ZNF503: variants seen among roughly 807,000 people sequenced by gnomAD.
The protein encoded by ZNF503 is zinc finger protein 503, also known as NocA-like zinc finger 2.
A neutral mutation model predicts 34.4 loss-of-function variants in ZNF503; 15 were observed. That is an observed-to-expected ratio of 0.44 (90% CI 0.29 to 0.67). The LOEUF (loss-of-function observed/expected upper bound fraction) is 0.67, where lower values mean the gene tolerates loss of function less well. Among genes scored for constraint, ZNF503 ranks in the 30% least tolerant of loss-of-function variants. The pLI is 0.13. For missense variants in ZNF503, 1,007 were observed against 926.8 expected, an observed-to-expected ratio of 1.09 and a Z score of -1.12; for synonymous variants, 580 against 456.8, an observed-to-expected ratio of 1.27 and a Z score of -3.44.
chr10:75,327,629 T>G, the ZNF503 span, among the ~76,000 whole-genome samples: 1 of 152,228 alleles, frequency 6.6e-6, no homozygotes, highest in African/African-American at 2.4e-5. Flanking sequence ...GTGGAATTGC[T>G]GGATTATATG....
At chr10:75,324,518 G>T in the ZNF503 span, among the ~76,000 whole-genome samples, 1 of 151,826 alleles carries the variant, frequency 6.6e-6, no homozygotes, top group Non-Finnish European at 1.5e-5. Context: ...TTAGAGACAG[G>T]GTTTGGCTTT....
At chr10:75,375,412 G>A in the ZNF503 span, among the ~76,000 whole-genome samples, 3 of 152,286 alleles carry the variant, frequency 2.0e-5, no homozygotes, top group African/African-American at 4.8e-5. Flanking sequence ...ATGAGCTACC[G>A]TACCCAGCCC....
chr10:75,281,427 C>A, the ZNF503 span, among the ~76,000 whole-genome samples: 1 of 152,086 alleles, frequency 6.6e-6, no homozygotes, highest in African/African-American at 2.4e-5. Flanking sequence ...GTCGAGTGTG[C>A]CGCCTGGTTC....
Position 75,399,038 on chromosome 10 carries a change from A to T in ZNF503, c.1652T>A (p.Leu551Gln), listed in dbSNP as rs774109749. Residue 551 changes from leucine to glutamine, a missense_variant, in exon 2 of 2, where the codon CTG becomes CAG. Leu to Gln is a moderately radical substitution (Grantham distance 113). Coordinates refer to ENST00000372524, the MANE Select transcript of ZNF503 (RefSeq NM_032772.6). ...THTAFPGTDK[L>Q]LSGYPSSSSL... Reference sequence around the variant, plus strand: ...CGACGAGCTGGGGTAGCCCGACAGCAGTTTGTCTGTCCCGGGAAATGCCGT... The same window carrying T: ...CGACGAGCTGGGGTAGCCCGACAGCTGTTTGTCTGTCCCGGGAAATGCCGT... 1.1e-5 allele frequency: 18 copies of T among 1,612,124 alleles called. No homozygotes were observed. The highest frequency in any genetic ancestry group is 1.4e-5 in the Non-Finnish European group (16 of 1,179,762).
chr10:75,329,234 A>G, the ZNF503 span, among the ~76,000 whole-genome samples: 1 of 151,940 alleles, frequency 6.6e-6, no homozygotes, highest in East Asian at 1.9e-4. Context: ...GTATGGAAAC[A>G]CTACTGATTT....
chr10:75,355,159 G>A, the ZNF503 span, among the ~76,000 whole-genome samples: 10 of 152,118 alleles, frequency 6.6e-5, no homozygotes, highest in Non-Finnish European at 1.2e-4. Flanking sequence ...GCTGCTATTC[G>A]TGAAGCCAAA....
the ZNF503 span, among the ~76,000 whole-genome samples, chr10:75,331,276 A>T: frequency 6.6e-6 from 1 of 152,204 alleles, no homozygotes; most frequent in African/African-American, 2.4e-5. Context: ...TGCATTCTGC[A>T]GCTTTTGGAT....
chr10:75,318,668 CAA>C, the ZNF503 span, among the ~76,000 whole-genome samples: 53,131 of 116,874 alleles, frequency 0.45, 10,509 homozygotes, highest in Middle Eastern at 0.55. Context: ...GATCCTGTCT[CAA>C]AAAAAAAAAA....
chr10:75,336,426 A>G, the ZNF503 span, among the ~76,000 whole-genome samples: 3 of 151,460 alleles, frequency 2.0e-5, no homozygotes, highest in African/African-American at 7.3e-5. Flanking sequence ...CTGATTTTCA[A>G]ATCATCATCG....
the ZNF503 span, among the ~76,000 whole-genome samples, chr10:75,285,586 C>T: frequency 8.5e-5 from 13 of 152,196 alleles, no homozygotes; most frequent in Admixed American, 3.9e-4. Flanking sequence ...GTGGGAGAAA[C>T]GGTGACGTGG....
chr10:75,375,617 A>G, the ZNF503 span, among the ~76,000 whole-genome samples: 1 of 152,074 alleles, frequency 6.6e-6, no homozygotes, highest in South Asian at 2.1e-4. Context: ...CCTGGGTTCA[A>G]GAGATTCTCA....
At chr10:75,359,011 C>A in the ZNF503 span, 6 of 152,336 alleles carry the variant, frequency 3.9e-5, no homozygotes, top group East Asian at 1.2e-3. Flanking sequence ...TATCATACAG[C>A]TATTATTTTC....
chr10:75,289,377 G>T, the ZNF503 span, among the ~76,000 whole-genome samples: 4 of 152,068 alleles, frequency 2.6e-5, no homozygotes, highest in Admixed American at 2.0e-4. Flanking sequence ...TACTACTGCT[G>T]CATAATAAAC....
At chr10:75,335,002 A>G in the ZNF503 span, among the ~76,000 whole-genome samples, 1 of 152,206 alleles carries the variant, frequency 6.6e-6, no homozygotes, top group African/African-American at 2.4e-5. Flanking sequence ...ATATGAGGCA[A>G]TCCACCATAT....
chr10:75,369,331 C>T, the ZNF503 span, among the ~76,000 whole-genome samples: 1 of 152,082 alleles, frequency 6.6e-6, no homozygotes, highest in Non-Finnish European at 1.5e-5. Context: ...ATTGTCATAA[C>T]CCCCATGGGT....
chr10:75,384,647 C>T, the ZNF503 span, among the ~76,000 whole-genome samples: 16 of 152,264 alleles, frequency 1.1e-4, no homozygotes, highest in Middle Eastern at 3.4e-3. Flanking sequence ...TGTAGCCCTG[C>T]GGCCCAGCAC....
At position 75,401,452 on chromosome 10, in the gene ZNF503, GA is replaced by G; in HGVS notation, c.-34del. ...CCGCGCGCATGGGAGCAGCGGGGGG[GA>G]GGGCTCCGGGAGGCGCGGGGCGGGC... On this transcript the variant is annotated 5_prime_UTR_variant, in exon 1 of 2. Coordinates refer to ENST00000372524, the MANE Select transcript of ZNF503 (RefSeq NM_032772.6). The G allele has an allele frequency of 2.0e-6, 3 of 1,519,052 alleles. No homozygotes were observed. Among genetic ancestry groups the G allele is most frequent in the East Asian group, 2.6e-5 (1 of 38,870 alleles). 94.1% of individuals were successfully genotyped at this position (1,519,052 alleles called of 1,614,324 possible).
the ZNF503 span, among the ~76,000 whole-genome samples, chr10:75,329,306 T>C: frequency 6.6e-6 from 1 of 152,174 alleles, no homozygotes; most frequent in Non-Finnish European, 1.5e-5. Flanking sequence ...TAAGAGTTTT[T>C]TTGGTGGCAC....
the ZNF503 span, among the ~76,000 whole-genome samples, chr10:75,380,092 T>C: frequency 6.6e-6 from 1 of 152,188 alleles, no homozygotes; most frequent in Non-Finnish European, 1.5e-5. Context: ...GTGCCCAGAC[T>C]GACCTGGCAG....
Sources: gnomAD v4.1 joint callset for allele counts (sites outside exome capture counted in the v4.1 genomes callset) on GRCh38, gnomAD v4.1.1 for gene constraint, MANE v1.5 for transcripts, NCBI Gene and HGNC (gene_info 2026-07-23, HGNC 2026-07-21) for gene names.